Variants in CCDC178 observed in about 807,000 individuals in gnomAD.
The protein encoded by CCDC178 is coiled-coil domain containing 178, also known as coiled-coil domain-containing protein 178.
A neutral mutation model predicts 117.4 loss-of-function variants in CCDC178; 126 were observed. The ratio of observed to expected loss-of-function variants is 1.07; its 90% confidence interval spans 0.93 to 1.24. The LOEUF (loss-of-function observed/expected upper bound fraction) is 1.24. Among genes scored for constraint, CCDC178 ranks in the 50% most tolerant of loss-of-function variants. The probability of loss-of-function intolerance (pLI) is 0.00; values close to 1 mark genes in which losing one functional copy is unlikely to be tolerated. For missense variants in CCDC178, 1,030 were observed against 986.9 expected, an observed-to-expected ratio of 1.04 and a Z score of -0.59; for synonymous variants, 283 against 313.4, an observed-to-expected ratio of 0.90 and a Z score of 1.02.
chr18:33,171,908 T>C (rs1462780373), intron 20 of CCDC178, among the ~76,000 whole-genome samples: 1 of 152,164 alleles, frequency 6.6e-6, no homozygotes. Flanking sequence ...CTGTTTTTTG[T>C]TTTTTGTTTT....
At chr18:32,998,163 G>A (rs984187992) in intron 21 of CCDC178, among the ~76,000 whole-genome samples, 2 of 152,230 alleles carry the variant, frequency 1.3e-5, no homozygotes, top group African/African-American at 4.8e-5. Flanking sequence ...TAATCTGTGT[G>A]CTTGGAGGAG....
intron 10 of CCDC178, chr18:33,328,105 T>G (rs763464349): frequency 0.063 from 14,717 of 232,248 alleles, 637 homozygotes; most frequent in Non-Finnish European, 0.08. Flanking sequence ...TTTTTTTTTT[T>G]TTTTTTTTTT....
intron 20 of CCDC178, among the ~76,000 whole-genome samples, chr18:33,141,876 G>C (rs1037651488): frequency 6.6e-6 from 1 of 152,020 alleles, no homozygotes; most frequent in East Asian, 1.9e-4. Context: ...CCTTCTTCTT[G>C]TTTGCAAGAG....
At chr18:33,106,699 T>A (rs145741081) in intron 20 of CCDC178, among the ~76,000 whole-genome samples, 1 of 151,680 alleles carries the variant, frequency 6.6e-6, no homozygotes, top group East Asian at 2.0e-4. Flanking sequence ...ATGACTAAGG[T>A]TACAGATTTG....
chr18:33,261,081 CTGTTTGTT>C (rs10687374), intron 14 of CCDC178, among the ~76,000 whole-genome samples: 1 of 149,340 alleles, frequency 6.7e-6, no homozygotes, highest in Admixed American at 6.7e-5. Context: ...TTTTTTTTTT[CTGTTTGTT>C]TGTTTGTTTG....
At chr18:33,008,112 T>C (rs1434098882) in intron 21 of CCDC178, among the ~76,000 whole-genome samples, 2 of 152,136 alleles carry the variant, frequency 1.3e-5, no homozygotes, top group Non-Finnish European at 2.9e-5. Context: ...ATGAATGTTT[T>C]ATTTCACAGT....
rs1027978650 is a variant in CCDC178, at chr18:33,093,573, T to C, written c.2239-663A>G. Among the ~76,000 whole-genome samples, 3 of 152,232 alleles carry C rather than the reference T, an allele frequency of 2.0e-5. No individual in the cohort carries two copies. The East Asian group carries it at 5.8e-4, about 29-fold the overall frequency. Reference sequence around the variant, plus strand: ...TGACTAAATAAATATATGTCAAATCTAATATAAACTCTTTAGAAAATAACT... The same window carrying C: ...TGACTAAATAAATATATGTCAAATCCAATATAAACTCTTTAGAAAATAACT... On this transcript the variant is annotated intron_variant, in intron 20 of 22. Transcript: ENST00000383096.
chr18:32,974,440 T>C (rs1381492123), intron 22 of CCDC178, 107 bp downstream of exon 22: 7 of 1,096,648 alleles, frequency 6.4e-6, no homozygotes, highest in Non-Finnish European at 9.3e-6. Context: ...GGTTAAAAAT[T>C]TATAAAACTC....
chr18:33,213,968 AAAT>A (rs1568061137), intron 19 of CCDC178, among the ~76,000 whole-genome samples: 1 of 151,936 alleles, frequency 6.6e-6, no homozygotes, highest in Non-Finnish European at 1.5e-5. Flanking sequence ...AGTTCTCAAT[AAAT>A]AATAAGTAGC....
intron 21 of CCDC178, among the ~76,000 whole-genome samples, chr18:33,044,725 G>A (rs2056612039): frequency 6.6e-6 from 1 of 152,138 alleles, no homozygotes; most frequent in South Asian, 2.1e-4. Flanking sequence ...GTTTATTGAA[G>A]CACTACTCAT....
At chr18:33,424,475 C>T (rs1292507821) in intron 2 of CCDC178, among the ~76,000 whole-genome samples, 1 of 152,190 alleles carries the variant, frequency 6.6e-6, no homozygotes, top group Admixed American at 6.5e-5. Context: ...CGCACACCTC[C>T]ACTTGTTATA....
At chr18:33,229,212 C>A (rs1204196952) in intron 15 of CCDC178, among the ~76,000 whole-genome samples, 3 of 152,136 alleles carry the variant, frequency 2.0e-5, no homozygotes, top group Non-Finnish European at 2.9e-5. Flanking sequence ...CCACAGCAAA[C>A]CATGAGCAAT....
intron 20 of CCDC178, among the ~76,000 whole-genome samples, chr18:33,196,507 AATT>A (rs1401952663): frequency 2.0e-5 from 3 of 152,064 alleles, no homozygotes; most frequent in Admixed American, 2.0e-4. Context: ...CTTTCTAGCA[AATT>A]ATTGAACCTC....
chr18:33,373,303 C>T (rs2063324453), intron 5 of CCDC178, among the ~76,000 whole-genome samples: 1 of 152,080 alleles, frequency 6.6e-6, no homozygotes, highest in Non-Finnish European at 1.5e-5. Context: ...AGTCAATGTG[C>T]AATGCCGCTG....
At chr18:33,170,953 A>G (rs1346816510) in intron 20 of CCDC178, among the ~76,000 whole-genome samples, 2 of 152,132 alleles carry the variant, frequency 1.3e-5, no homozygotes, top group Admixed American at 6.6e-5. Context: ...TGGTTTCTCT[A>G]TGTATTACTT....
chr18:33,152,210 A>G (rs1327858720), intron 20 of CCDC178, among the ~76,000 whole-genome samples: 1 of 152,182 alleles, frequency 6.6e-6, no homozygotes, highest in Non-Finnish European at 1.5e-5. Flanking sequence ...AATGGAAACC[A>G]GAAAATAAAG....
At chr18:33,379,661 G>GTGAT (rs1158113097) in intron 5 of CCDC178, among the ~76,000 whole-genome samples, 5 of 152,106 alleles carry the variant, frequency 3.3e-5, no homozygotes, top group Admixed American at 2.6e-4. Flanking sequence ...TCTCCGCAAG[G>GTGAT]TGATGGAGGG....
At chr18:33,119,336 T>G (rs1300820075) in intron 20 of CCDC178, among the ~76,000 whole-genome samples, 1 of 151,862 alleles carries the variant, frequency 6.6e-6, no homozygotes, top group East Asian at 1.9e-4. Flanking sequence ...TTAAACAAAT[T>G]TACAAGAAAA....
intron 21 of CCDC178, among the ~76,000 whole-genome samples, chr18:33,009,629 T>C (rs539396249): frequency 5.3e-5 from 8 of 152,274 alleles, no homozygotes; most frequent in Middle Eastern, 3.4e-3. Flanking sequence ...CCAACACACA[T>C]TCCTATATCC....
Sources: allele counts gnomAD v4.1 joint callset (sites outside exome capture counted in the v4.1 genomes callset), GRCh38; gene constraint gnomAD v4.1.1; transcripts MANE v1.5; gene names NCBI Gene and HGNC (gene_info 2026-07-23, HGNC 2026-07-21).